PCDHGA1: variants seen among roughly 807,000 people sequenced by gnomAD.
PCDHGA1 encodes protocadherin gamma subfamily A, 1.
PCDHGA1 carries 32 observed loss-of-function variants against 58.0 expected under a neutral mutation model. The observed-to-expected ratio is 0.55, with a 90% CI of 0.42 to 0.74. The LOEUF (loss-of-function observed/expected upper bound fraction) is 0.74, where lower values mean the gene tolerates loss of function less well. Ranked by LOEUF, PCDHGA1 falls within the 30% of genes least tolerant of loss-of-function variation. The probability of loss-of-function intolerance (pLI) is 0.00; values close to 1 mark genes in which losing one functional copy is unlikely to be tolerated. For synonymous variants in PCDHGA1, 498 were observed against 501.1 expected (o/e 0.99, Z 0.08); for missense variants, 1,205 against 1,182.3 (o/e 1.02, Z -0.28).
chr5:141,403,354 G>A, intron 1 of PCDHGA1: 7 of 1,614,048 alleles, frequency 4.3e-6, no homozygotes, highest in Non-Finnish European at 5.9e-6. Flanking sequence ...CAAAGTTCCA[G>A]GCCGAAAGTC....
At chr5:141,389,823 G>A in intron 1 of PCDHGA1, 3 of 1,613,944 alleles carry the variant, frequency 1.9e-6, no homozygotes, top group Non-Finnish European at 2.5e-6. Context: ...CGTGCGTGAC[G>A]GTGGACAGCC....
chr5:141,447,681 C>T (rs2098548531), intron 1 of PCDHGA1, among the ~76,000 whole-genome samples: 1 of 152,066 alleles, frequency 6.6e-6, no homozygotes, highest in African/African-American at 2.4e-5. Flanking sequence ...TGTTCCATAT[C>T]TTGATAGAGG....
At position 141,384,652 on chromosome 5, in the gene PCDHGA1, G is replaced by A. The variant is rs372721131; in HGVS notation, c.2421+51547G>A. ...GCTGGCACCCCGCTCCGCAGAGCCC[G>A]GCTACCTGGTGACCAAGGTGGTGGC... On this transcript the variant is annotated intron_variant, in intron 1 of 3. Coordinates refer to ENST00000517417, the MANE Select transcript of PCDHGA1 (RefSeq NM_018912.3). The A allele has an allele frequency of 7.4e-6, 12 of 1,614,110 alleles. No homozygotes were observed. The South Asian group carries it at 1.1e-4, about 15-fold the overall frequency.
At chr5:141,435,008 A>G (rs961813777) in intron 1 of PCDHGA1, among the ~76,000 whole-genome samples, 3 of 152,130 alleles carry the variant, frequency 2.0e-5, no homozygotes, top group African/African-American at 7.2e-5. Context: ...GAATTTATCA[A>G]TGATAATGCT....
At chr5:141,430,396 A>G (rs1433813025) in intron 1 of PCDHGA1, among the ~76,000 whole-genome samples, 5 of 151,842 alleles carry the variant, frequency 3.3e-5, no homozygotes, top group Non-Finnish European at 7.4e-5. Context: ...AAAAAAAAAA[A>G]GCTCACTAAA....
rs773825932 is a variant in PCDHGA1, at chr5:141,370,445, A to G, written c.2421+37340A>G. ...GCCCAGCAGGGCAGAGGCGAATGCT[A>G]TTTCTCTTCCTGCTCTCTTTGTTAG... On this transcript the variant is annotated intron_variant, in intron 1 of 3. Coordinates refer to ENST00000517417, the MANE Select transcript of PCDHGA1 (RefSeq NM_018912.3). The G allele has an allele frequency of 5.0e-6, 8 of 1,608,064 alleles. No homozygotes were observed. In the Admixed American group the frequency reaches 5.1e-5, roughly 10 times the overall value.
At chr5:141,357,844 T>G (rs1760744896) in intron 1 of PCDHGA1, 1 of 624,618 alleles carries the variant, frequency 1.6e-6, no homozygotes, top group Non-Finnish European at 2.7e-6. Flanking sequence ...CAGTTGTAGT[T>G]TCAGCCAGAA....
intron 1 of PCDHGA1, among the ~76,000 whole-genome samples, chr5:141,425,919 G>A (rs11167745): frequency 2.0e-5 from 3 of 152,174 alleles, no homozygotes; most frequent in East Asian, 1.9e-4. Flanking sequence ...CAGTCACTAC[G>A]AAAACTCATA....
intron 1 of PCDHGA1, among the ~76,000 whole-genome samples, chr5:141,454,796 A>ATTTTTTTTTTTTTTTTTTTTTTTTTTT (rs61612330): frequency 3.9e-5 from 3 of 77,408 alleles, no homozygotes; most frequent in Admixed American, 1.8e-4. Flanking sequence ...CATGGTTCTA[A>ATTTTTTTTTTTTTTTTTTTTTTTTTTT]TTTTTTTTTT....
At chr5:141,488,348 C>T (rs1231687770) in intron 1 of PCDHGA1, among the ~76,000 whole-genome samples, 1 of 152,106 alleles carries the variant, frequency 6.6e-6, no homozygotes, top group Non-Finnish European at 1.5e-5. Flanking sequence ...TAGAAACAGC[C>T]ACCCTGTGCA....
At position 141,331,549 on chromosome 5, in the gene PCDHGA1, G is replaced by GC. The variant is rs773577479; in HGVS notation, c.868dup (p.Gln290ProfsTer15). 1.2e-6 allele frequency: 2 copies of GC among 1,614,094 alleles called. No homozygotes were observed. The highest frequency in any genetic ancestry group is 8.5e-7 in the Non-Finnish European group (1 of 1,180,034). ...CTTTCACAATGTAGACCACAGAGTGGCCCAAATATTTCGTTTAGATTCTTA... is the reference window on the plus strand; with the variant it reads ...CTTTCACAATGTAGACCACAGAGTGGCCCCAAATATTTCGTTTAGATTCTTA... On this transcript the variant is annotated frameshift_variant, in exon 1 of 4. Transcript: ENST00000517417. LOFTEE classifies it high-confidence loss of function.
At chr5:141,381,572 T>A (rs566489339) in intron 1 of PCDHGA1, among the ~76,000 whole-genome samples, 1 of 152,338 alleles carries the variant, frequency 6.6e-6, no homozygotes, top group African/African-American at 2.4e-5. Flanking sequence ...ATGAAAAGAA[T>A]CAGCCAATCC....
intron 1 of PCDHGA1, chr5:141,400,694 C>T: frequency 1.3e-6 from 1 of 763,776 alleles, no homozygotes; most frequent in South Asian, 1.9e-5. Context: ...GTTTTTATGT[C>T]GCATAAAAGA....
intron 1 of PCDHGA1, chr5:141,398,884 G>C: frequency 6.2e-7 from 1 of 1,613,952 alleles, no homozygotes; most frequent in Non-Finnish European, 8.5e-7. Flanking sequence ...CAGCCTTCGG[G>C]AAAACGTGCC....
chr5:141,339,442 G>A (rs151023570), intron 1 of PCDHGA1: 27 of 1,614,086 alleles, frequency 1.7e-5, no homozygotes, highest in Non-Finnish European at 2.2e-5. Flanking sequence ...TTAAGAATGC[G>A]CATGATGCAG....
chr5:141,365,925 T>C (rs766503118), intron 1 of PCDHGA1: 3 of 1,614,168 alleles, frequency 1.9e-6, no homozygotes, highest in Non-Finnish European at 2.5e-6. Flanking sequence ...CAGTTGTGGG[T>C]GACAGCCAGC....
intron 1 of PCDHGA1, among the ~76,000 whole-genome samples, chr5:141,353,973 C>G (rs560651740): frequency 1.2e-4 from 18 of 152,342 alleles, no homozygotes; most frequent in Admixed American, 1.1e-3. Context: ...AACTGATGTA[C>G]TGCTTTATCT....
At chr5:141,342,863 G>GA (rs1320636556) in intron 1 of PCDHGA1, 2 of 152,088 alleles carry the variant, frequency 1.3e-5, no homozygotes, top group East Asian at 1.9e-4. Flanking sequence ...AGTTGGTTTT[G>GA]AAAAAACATC....
chr5:141,372,173 G>T, intron 1 of PCDHGA1: 1 of 1,613,722 alleles, frequency 6.2e-7, no homozygotes, highest in Non-Finnish European at 8.5e-7. Context: ...AGGTGGTGGC[G>T]GTGGACGCAG....
Sources: gnomAD v4.1 joint callset for allele counts (sites outside exome capture counted in the v4.1 genomes callset) on GRCh38, gnomAD v4.1.1 for gene constraint, MANE v1.5 for transcripts, NCBI Gene and HGNC (gene_info 2026-07-23, HGNC 2026-07-21) for gene names.